MYH3: variants seen among roughly 807,000 people sequenced by gnomAD.
MYH3 encodes myosin heavy chain 3.
A neutral mutation model predicts 238.0 loss-of-function variants in MYH3; 130 were observed. The ratio of observed to expected loss-of-function variants is 0.55; its 90% CI spans 0.47 to 0.63. The LOEUF (loss-of-function observed/expected upper bound fraction) is 0.63, where lower values mean the gene tolerates loss of function less well. MYH3 is among the 30% of genes least tolerant of loss of function. The probability of loss-of-function intolerance (pLI) is 0.00; values close to 1 mark genes in which losing one functional copy is unlikely to be tolerated. For missense variants in MYH3, 1,853 were observed against 2,374.9 expected (o/e 0.78, Z 4.57); for synonymous variants, 880 against 924.1 (o/e 0.95, Z 0.86).
chr17:10,630,230 T>G lies in MYH3; in HGVS notation c.5458-34A>C, dbSNP rs148869879. The G allele has an allele frequency of 1.1e-3, 1,715 of 1,614,040 alleles. 2 individuals carry two copies. Among genetic ancestry groups the G allele is most frequent in the Middle Eastern group, 5.1e-3 (31 of 6,062 alleles). On this transcript the variant is annotated intron_variant, in intron 37 of 40. Transcript: ENST00000583535. The stretch of plus-strand genomic sequence containing the variant: ...GAGGGTGGGGAAATTAGTCTGGGGC[T>G]GCAGCGTGATTGGGAGGCTGGAAAG...
chr17:10,641,640 G>C (rs570671509), intron 17 of MYH3, among the ~76,000 whole-genome samples: 10 of 150,840 alleles, frequency 6.6e-5, no homozygotes, highest in Admixed American at 2.0e-4. Context: ...TCAGCCTCCT[G>C]AGTAGCTGGG....
chr17:10,632,951 C>CCCA (rs2074179834), intron 33 of MYH3, among the ~76,000 whole-genome samples, 167 bp from the exon 34 acceptor site: 4 of 152,242 alleles, frequency 2.6e-5, no homozygotes, highest in Non-Finnish European at 4.4e-5. Context: ...GTGGTTCACA[C>CCCA]CTGTAATCCC....
intron 26 of MYH3, 54 bp from the exon 27 acceptor site, chr17:10,638,486 G>A (rs908885336): frequency 1.4e-5 from 22 of 1,596,992 alleles, no homozygotes; most frequent in Non-Finnish European, 1.8e-5. Flanking sequence ...CGGGGACTCT[G>A]ATTGCCAAGA....
chr17:10,642,878 G>T lies in MYH3; in HGVS notation c.1529C>A (p.Thr510Lys). The change falls in exon 15 of 41, where the codon ACG (threonine) becomes AAG (lysine). Residue 510 changes from threonine (T) to lysine (K), a missense_variant. Physicochemically the swap from Thr to Lys is moderately conservative, Grantham distance 78. Coordinates refer to ENST00000583535, the MANE Select transcript of MYH3 (RefSeq NM_002470.4). The surrounding 1 kb of genome is among the most constrained non-coding windows in gnomAD (Gnocchi z 5.4). ...EEYKKEGIEW[T>K]FIDFGMDLAA... ...CAGGTCCATCCCGAAGTCAATGAAC[G>T]TCCACTCGATGCCTTCCTTCTTGTA... The T allele has an allele frequency of 1.2e-6, 2 of 1,614,172 alleles. No individual in the cohort carries two copies. Among genetic ancestry groups the T allele is most frequent in the Non-Finnish European group, 8.5e-7 (1 of 1,180,022 alleles).
At chr17:10,656,515 C>T (rs749240893) in intron 1 of MYH3, among the ~76,000 whole-genome samples, 1 of 140,110 alleles carries the variant, frequency 7.1e-6, no homozygotes, top group African/African-American at 2.8e-5. Context: ...CCAGCCTGGG[C>T]GACAAGAGCA....
At chr17:10,671,426 AC>A in the MYH3 span, among the ~76,000 whole-genome samples, 1 of 152,000 alleles carries the variant, frequency 6.6e-6, no homozygotes. Flanking sequence ...AGTCCATTTT[AC>A]CCCCATCCTC....
At chr17:10,657,488 C>T (rs2074445308), upstream of MYH3, among the ~76,000 whole-genome samples, 1 of 152,198 alleles carries the variant, frequency 6.6e-6, no homozygotes, top group Admixed American at 6.5e-5. Flanking sequence ...GATCCATCAC[C>T]ATTTTCCGAC....
the MYH3 span, among the ~76,000 whole-genome samples, chr17:10,672,017 C>T: frequency 6.6e-6 from 1 of 152,112 alleles, no homozygotes; most frequent in Non-Finnish European, 1.5e-5. Flanking sequence ...TTTATGCTTT[C>T]TGCCTTTGCT....
chr17:10,646,175 C>T (rs2074319263), intron 10 of MYH3, 143 bp from the exon 11 acceptor site: 6 of 745,470 alleles, frequency 8.0e-6, no homozygotes, highest in Middle Eastern at 2.7e-4. Context: ...TTAGACAGTT[C>T]CACAATACTC....
At position 10,642,526 on chromosome 17, in the gene MYH3, A is replaced by T. The variant is rs2074282694; in HGVS notation, c.1779T>A (p.Gly593=). 6.2e-7 allele frequency: 1 copy of T among 1,614,220 alleles called. No homozygotes were observed. Among genetic ancestry groups the T allele is most frequent in the East Asian group, 2.2e-5 (1 of 44,880 alleles). The change falls in exon 16 of 41, where the codon GGT becomes GGA. Residue 593 remains glycine (G), a synonymous_variant. Coordinates refer to ENST00000583535, the MANE Select transcript of MYH3 (RefSeq NM_002470.4). This position sits in a 1 kb window ranked among gnomAD's most constrained non-coding sequence, Gnocchi z 5.4. ...GAGGGTCCTTGTTCTTCTCCAGCCAACCTGAGACACTGTAGTCCACGGTGC... is the reference window on the plus strand; with the variant it reads ...GAGGGTCCTTGTTCTTCTCCAGCCATCCTGAGACACTGTAGTCCACGGTGC... ...YAGTVDYSVS[G]WLEKNKDPLN...
At chr17:10,646,155 T>G (rs770588030) in intron 10 of MYH3, 123 bp from the exon 11 acceptor site, 15 of 814,098 alleles carry the variant, frequency 1.8e-5, no homozygotes, top group Non-Finnish European at 2.9e-5. Flanking sequence ...AACTTAGAAT[T>G]AAAAATCTTT....
chr17:10,669,803 C>T, the MYH3 span, among the ~76,000 whole-genome samples: 1 of 151,968 alleles, frequency 6.6e-6, no homozygotes, highest in Non-Finnish European at 1.5e-5. Context: ...CCTAGCTACT[C>T]CAGACGCTGA....
intron 12 of MYH3, among the ~76,000 whole-genome samples, chr17:10,644,961 G>T (rs1174471960): frequency 2.0e-5 from 3 of 152,108 alleles, no homozygotes; most frequent in Non-Finnish European, 2.9e-5. Context: ...CAGGAAAAGC[G>T]AGTGGTAACA....
At chr17:10,650,523 A>G in intron 5 of MYH3, 122 bp from the exon 6 acceptor site, 1 of 891,308 alleles carries the variant, frequency 1.1e-6, no homozygotes, top group South Asian at 1.5e-5. Flanking sequence ...TTTTTTGTTT[A>G]GCCTTTAGGT....
At chr17:10,662,932 C>T in the MYH3 span, among the ~76,000 whole-genome samples, 2 of 151,922 alleles carry the variant, frequency 1.3e-5, no homozygotes, top group African/African-American at 4.8e-5. Flanking sequence ...GCTAAAAACA[C>T]AAAAATTAGC....
intron 17 of MYH3, among the ~76,000 whole-genome samples, chr17:10,641,892 C>A (rs739482): frequency 0.57 from 87,156 of 151,886 alleles, 27,871 homozygotes; most frequent in Non-Finnish European, 0.73. Context: ...TCCCAGTGAG[C>A]CAGAGGCTCG....
In MYH3 at chr17:10,642,345, G is replaced by C. The variant is rs2074280728; in HGVS notation, c.1889-35C>G. On this transcript the variant is annotated intron_variant, in intron 16 of 40. Coordinates refer to ENST00000583535, the MANE Select transcript of MYH3 (RefSeq NM_002470.4). This position sits in a 1 kb window ranked among gnomAD's most constrained non-coding sequence, Gnocchi z 5.4. ...ATAAGGGAGGGCACGTGCTGTAGGT[G>C]AATCTAAAAGGTTTTTTGTTACTGT... is the stretch of plus-strand genomic sequence containing the variant. The C allele has an allele frequency of 2.5e-6, 4 of 1,613,586 alleles. No individual in the cohort carries two copies. In the East Asian group the frequency reaches 6.7e-5, roughly 27 times the overall value.
At chr17:10,643,461 C>T (rs972031400) in intron 14 of MYH3, among the ~76,000 whole-genome samples, 4 of 152,204 alleles carry the variant, frequency 2.6e-5, no homozygotes, top group African/African-American at 7.2e-5. Context: ...CTGCAACCTC[C>T]GCCTCCCAGG....
chr17:10,649,216 C>T (rs1451005979), intron 7 of MYH3, among the ~76,000 whole-genome samples: 9 of 152,168 alleles, frequency 5.9e-5, no homozygotes, highest in Non-Finnish European at 1.3e-4. Flanking sequence ...GTCAGTTGTC[C>T]GTATTCATTT....
Sources: gnomAD v4.1 joint callset for allele counts (sites outside exome capture counted in the v4.1 genomes callset) on GRCh38, gnomAD v4.1.1 for gene constraint, Gnocchi (gnomAD v3.1) non-coding constraint, MANE v1.5 for transcripts, NCBI Gene and HGNC (gene_info 2026-07-23, HGNC 2026-07-21) for gene names.